ZHX2: variants seen among roughly 807,000 people sequenced by gnomAD.
ZHX2 encodes zinc fingers and homeoboxes 2, also known as zinc fingers and homeoboxes protein 2.
In ZHX2, 6 loss-of-function variants were observed where a neutral mutation model predicts 21.9. That is an observed-to-expected ratio of 0.27 (90% CI 0.15 to 0.54). The LOEUF (loss-of-function observed/expected upper bound fraction) is 0.54. Ranked by LOEUF, ZHX2 falls within the 20% of genes least tolerant of loss-of-function variation. The probability of loss-of-function intolerance (pLI) is 0.95; values close to 1 mark genes in which losing one functional copy is unlikely to be tolerated. For missense variants in ZHX2, 908 were observed against 1,090.7 expected (o/e 0.83, Z 2.36); for synonymous variants, 434 against 437.1 (o/e 0.99, Z 0.09).
intron 1 of ZHX2, among the ~76,000 whole-genome samples, chr8:122,792,240 C>T (rs1817531589): frequency 6.6e-6 from 1 of 152,208 alleles, no homozygotes; most frequent in Non-Finnish European, 1.5e-5. Context: ...TGAAATCATA[C>T]ACCATGTGGT....
At chr8:122,792,623 CT>C (rs1817539106) in intron 1 of ZHX2, among the ~76,000 whole-genome samples, 1 of 152,158 alleles carries the variant, frequency 6.6e-6, no homozygotes, top group Non-Finnish European at 1.5e-5. Context: ...TTTGCTGCAT[CT>C]CTGTCCACCC....
At chr8:122,842,978 A>G (rs890707008) in intron 1 of ZHX2, among the ~76,000 whole-genome samples, 4 of 152,198 alleles carry the variant, frequency 2.6e-5, no homozygotes, top group African/African-American at 9.7e-5. Context: ...ATTTCTAACA[A>G]ATTCCCAGGT....
At position 122,952,991 on chromosome 8, in the gene ZHX2, G is replaced by A. The variant is rs1318402267; in HGVS notation, c.1481G>A (p.Cys494Tyr). The change falls in exon 3 of 4, where the codon TGT becomes TAT. Residue 494 changes from cysteine (C) to tyrosine (Y), a missense_variant. Around this residue, in one of 4 missense-constraint regions of ZHX2, gnomAD observed 232 missense variants for 361.8 expected, o/e 0.64. Coordinates refer to ENST00000314393, the MANE Select transcript of ZHX2 (RefSeq NM_014943.5). This position sits in a 1 kb window ranked among gnomAD's most constrained non-coding sequence, Gnocchi z 6.9. Reference protein sequence around the residue: ...KKWFSDHRYRCQRGIVHITSE... With the variant: ...KKWFSDHRYRYQRGIVHITSE... The stretch of plus-strand genomic sequence containing the variant: ...TGGTTCAGTGACCACCGATATCGGT[G>A]TCAAAGGGGCATCGTCCACATCACC... 5.6e-6 allele frequency: 9 copies of A among 1,614,020 alleles called. No homozygotes were observed. Among genetic ancestry groups the A allele is most frequent in the Non-Finnish European group, 7.6e-6 (9 of 1,180,030 alleles).
intron 1 of ZHX2, among the ~76,000 whole-genome samples, chr8:122,833,258 C>A (rs1818417677): frequency 6.6e-6 from 1 of 152,098 alleles, no homozygotes; most frequent in South Asian, 2.1e-4. Flanking sequence ...AGCCTGGGGT[C>A]CTGGACTAAG....
intron 2 of ZHX2, among the ~76,000 whole-genome samples, chr8:122,870,118 A>C (rs1216818357): frequency 6.6e-6 from 1 of 152,108 alleles, no homozygotes; most frequent in East Asian, 1.9e-4. Context: ...AGAGGTGGAC[A>C]AAGCTTGGAC....
Position 122,818,129 on chromosome 8 carries a change from C to G in ZHX2, c.-283+36183C>G, listed in dbSNP as rs79453097. The stretch of plus-strand genomic sequence containing the variant: ...GGACTATGTTTAGAGCCAAGTGAGT[C>G]AGGGACTCTCCTGAGCACTCTGTAA... On this transcript the variant is annotated intron_variant, in intron 1 of 3. Transcript: ENST00000314393. 5.4e-3 allele frequency among the ~76,000 whole-genome samples: 829 copies of G among 152,256 alleles called. 3 individuals carry two copies. Among genetic ancestry groups the G allele is most frequent in the African/African-American group, 0.019 (794 of 41,526 alleles).
In ZHX2 at chr8:122,804,461, C is replaced by A. The variant is rs982464512; in HGVS notation, c.-283+22515C>A. Among the ~76,000 whole-genome samples the A allele has an allele frequency of 2.0e-5, 3 of 152,134 alleles. No individual in the cohort carries two copies. In the East Asian group the frequency reaches 5.8e-4, roughly 29 times the overall value. On this transcript the variant is annotated intron_variant, in intron 1 of 3. Transcript: ENST00000314393. ...ACATTCATTAAGTGCTTGGTAAATGCCTGGTGTGGTGCTGAATGCTGGGGA... is the reference window on the plus strand; with the variant it reads ...ACATTCATTAAGTGCTTGGTAAATGACTGGTGTGGTGCTGAATGCTGGGGA...
At chr8:122,862,985 G>T (rs1244440054) in intron 1 of ZHX2, among the ~76,000 whole-genome samples, 13 of 152,186 alleles carry the variant, frequency 8.5e-5, no homozygotes, top group Non-Finnish European at 1.8e-4. Flanking sequence ...CACGGGGTTC[G>T]CTTGGCAGGA....
chr8:122,971,252 C>T (rs972301057), intron 3 of ZHX2, among the ~76,000 whole-genome samples: 1 of 150,554 alleles, frequency 6.6e-6, no homozygotes, highest in Admixed American at 6.6e-5. Context: ...TGAGCAGGTC[C>T]TGGCCTAAGA....
chr8:122,846,995 C>G (rs1228080247), intron 1 of ZHX2, among the ~76,000 whole-genome samples: 1 of 152,250 alleles, frequency 6.6e-6, no homozygotes, highest in African/African-American at 2.4e-5. Context: ...GTACTCAGAA[C>G]AGGGCCTGCA....
At chr8:122,887,050 CGTGTGTGTGTGTGTGT>C (rs10549696) in intron 2 of ZHX2, among the ~76,000 whole-genome samples, 12 of 136,446 alleles carry the variant, frequency 8.8e-5, no homozygotes, top group South Asian at 2.6e-4. Flanking sequence ...GCTCTGCCAC[CGTGTGTGTGTGTGTGT>C]GTGTGTGTGT....
chr8:122,845,965 T>C (rs1383117943), intron 1 of ZHX2, among the ~76,000 whole-genome samples: 1 of 152,212 alleles, frequency 6.6e-6, no homozygotes, highest in Non-Finnish European at 1.5e-5. Context: ...TCCACATTTT[T>C]AGATCACTGC....
At chr8:122,874,112 C>T (rs778324191) in intron 2 of ZHX2, among the ~76,000 whole-genome samples, 1 of 152,076 alleles carries the variant, frequency 6.6e-6, no homozygotes, top group Non-Finnish European at 1.5e-5. Context: ...AAAGAGTAGA[C>T]AAGGAGTTGA....
At chr8:122,814,714 C>T (rs2130616838) in intron 1 of ZHX2, among the ~76,000 whole-genome samples, 1 of 152,320 alleles carries the variant, frequency 6.6e-6, no homozygotes, top group Non-Finnish European at 1.5e-5. Context: ...GTCTGGCACC[C>T]TCTGTAGACA....
At chr8:122,916,169 T>C (rs1820596757) in intron 2 of ZHX2, among the ~76,000 whole-genome samples, 1 of 152,204 alleles carries the variant, frequency 6.6e-6, no homozygotes, top group African/African-American at 2.4e-5. Flanking sequence ...TACAGACGCT[T>C]TCATCTCAGC....
At chr8:122,844,402 G>A (rs746757093) in intron 1 of ZHX2, among the ~76,000 whole-genome samples, 1 of 152,232 alleles carries the variant, frequency 6.6e-6, no homozygotes, top group Non-Finnish European at 1.5e-5. Flanking sequence ...TCTGAGCTTC[G>A]CATTGCGAAT....
At chr8:122,937,204 A>G (rs1243426200) in intron 2 of ZHX2, among the ~76,000 whole-genome samples, 1 of 152,240 alleles carries the variant, frequency 6.6e-6, no homozygotes, top group Non-Finnish European at 1.5e-5. Flanking sequence ...GGGCAGAGCA[A>G]TGAAGAATTA....
At chr8:122,851,939 CAGA>C (rs988646388) in intron 1 of ZHX2, among the ~76,000 whole-genome samples, 2 of 152,196 alleles carry the variant, frequency 1.3e-5, no homozygotes, top group African/African-American at 4.8e-5. Context: ...GTGAAAGTAC[CAGA>C]AGGACAGCGG....
intron 1 of ZHX2, among the ~76,000 whole-genome samples, chr8:122,805,741 A>G (rs973387487): frequency 5.9e-5 from 9 of 152,030 alleles, no homozygotes; most frequent in Non-Finnish European, 1.2e-4. Flanking sequence ...CGAAATTTCT[A>G]AGTTGTGTCT....
Sources: gnomAD v4.1 joint callset for allele counts (sites outside exome capture counted in the v4.1 genomes callset) on GRCh38, gnomAD v4.1.1 for gene constraint, gnomAD v4.1.1 regional missense constraint, Gnocchi (gnomAD v3.1) non-coding constraint, MANE v1.5 for transcripts, NCBI Gene and HGNC (gene_info 2026-07-23, HGNC 2026-07-21) for gene names.